Variants in TNRC6B observed in about 807,000 individuals in gnomAD.
The protein encoded by TNRC6B is trinucleotide repeat-containing gene 6B protein.
TNRC6B carries 52 observed loss-of-function variants against 203.6 expected under a neutral mutation model. The ratio of observed to expected loss-of-function variants is 0.26; its 90% CI spans 0.20 to 0.32. The LOEUF (loss-of-function observed/expected upper bound fraction) is 0.32. Ranked by LOEUF, TNRC6B falls within the 10% of genes least tolerant of loss-of-function variation. The pLI is 1.00. For synonymous variants in TNRC6B, 838 were observed against 845.7 expected (o/e 0.99, Z 0.16); for missense variants, 1,923 against 2,286.2 (o/e 0.84, Z 3.24).
Position 40,170,591 on chromosome 22 carries a change from T to A in TNRC6B, c.113+14409T>A, listed in dbSNP as rs548646418. ...ATTATATATATAGTTTATATATATA[T>A]TATATATAGTTTATATATATCCTAT... On this transcript the variant is annotated intron_variant, in intron 4 of 23. Transcript: ENST00000301923. 4.5e-3 allele frequency among the ~76,000 whole-genome samples: 74 copies of A among 16,512 alleles called. 2 individuals carry two copies. Among genetic ancestry groups the A allele is most frequent in the African/African-American group, 0.021 (13 of 606 alleles). 10.8% of individuals were successfully genotyped at this position (16,512 alleles called of 152,430 possible).
intron 2 of TNRC6B, among the ~76,000 whole-genome samples, chr22:40,122,469 G>A (rs1302691300): frequency 6.6e-6 from 1 of 152,198 alleles, no homozygotes; most frequent in African/African-American, 2.4e-5. Flanking sequence ...AGTTGTGAGG[G>A]TCCTGTGTTT....
intron 1 of TNRC6B, among the ~76,000 whole-genome samples, chr22:40,075,156 ATTTTTT>A (rs58240994): frequency 0.021 from 759 of 35,554 alleles, 23 homozygotes; most frequent in Middle Eastern, 0.1. Context: ...ATATATATAT[ATTTTTT>A]TTTTTTTTTT....
chr22:40,077,726 C>T lies in TNRC6B; in HGVS notation c.-121+32728C>T, dbSNP rs144064005. On this transcript the variant is annotated intron_variant, in intron 1 of 23. Coordinates refer to the TNRC6B transcript ENST00000301923. ...GCCCATGATCACTGTAATCCTCTTA[C>T]GCTGAGATAACCACTGTTAACATTT... Among the ~76,000 whole-genome samples the T allele has an allele frequency of 1.3e-3, 204 of 152,184 alleles. 2 individuals are homozygous for T. Among genetic ancestry groups the T allele is most frequent in the African/African-American group, 4.7e-3 (194 of 41,520 alleles).
At chr22:40,158,528 C>A (rs1390916945) in intron 4 of TNRC6B, among the ~76,000 whole-genome samples, 1 of 152,152 alleles carries the variant, frequency 6.6e-6, no homozygotes, top group East Asian at 1.9e-4. Context: ...AACCCTTATC[C>A]TGAATCAGCT....
intron 2 of TNRC6B, among the ~76,000 whole-genome samples, chr22:40,119,400 A>G (rs566215008): frequency 1.3e-5 from 2 of 152,352 alleles, no homozygotes; most frequent in East Asian, 3.9e-4. Flanking sequence ...CCTGGCCAAC[A>G]TGGTGAAACC....
chr22:40,145,328 C>T (rs2068684187), intron 3 of TNRC6B, among the ~76,000 whole-genome samples: 1 of 151,992 alleles, frequency 6.6e-6, no homozygotes, highest in Non-Finnish European at 1.5e-5. Flanking sequence ...GTGAATTATA[C>T]TTCAATTTAA....
chr22:40,181,518 G>A (rs2069128721), intron 1 of TNRC6B, among the ~76,000 whole-genome samples: 1 of 152,248 alleles, frequency 6.6e-6, no homozygotes, highest in African/African-American at 2.4e-5. Flanking sequence ...TCCTCAAGGA[G>A]TACCAGGTCA....
At chr22:40,096,269 G>A (rs1232098630) in intron 1 of TNRC6B, among the ~76,000 whole-genome samples, 1 of 152,114 alleles carries the variant, frequency 6.6e-6, no homozygotes, top group African/African-American at 2.4e-5. Context: ...TGGCCATAAG[G>A]AACAGCTTAG....
At chr22:40,203,111 G>A (rs2069435499) in intron 1 of TNRC6B, among the ~76,000 whole-genome samples, 1 of 152,140 alleles carries the variant, frequency 6.6e-6, no homozygotes, top group Non-Finnish European at 1.5e-5. Context: ...GTCTTGTTGA[G>A]TATAGTAGAG....
chr22:40,178,484 C>T (rs933072729), intron 1 of TNRC6B, among the ~76,000 whole-genome samples: 1 of 152,196 alleles, frequency 6.6e-6, no homozygotes, highest in Non-Finnish European at 1.5e-5. Context: ...CCCCTCCCCC[C>T]TTAAATCTGC....
At chr22:40,099,890 A>G (rs1182478388) in intron 1 of TNRC6B, among the ~76,000 whole-genome samples, 1 of 151,898 alleles carries the variant, frequency 6.6e-6, no homozygotes, top group Non-Finnish European at 1.5e-5. Flanking sequence ...AGCTGGGACT[A>G]CAGGCGCCCG....
intron 3 of TNRC6B, among the ~76,000 whole-genome samples, chr22:40,261,542 C>T (rs2070382187): frequency 6.6e-6 from 1 of 152,026 alleles, no homozygotes; most frequent in Non-Finnish European, 1.5e-5. Flanking sequence ...TGCACCACTG[C>T]ACTCCAGCCT....
chr22:40,253,636 G>A, intron 3 of TNRC6B: 1 of 456,384 alleles, frequency 2.2e-6, no homozygotes, highest in Non-Finnish European at 4.4e-6. Context: ...AAAGGGAGGT[G>A]AGAGGCCATT....
chr22:40,112,054 C>A (rs11913690), intron 1 of TNRC6B, among the ~76,000 whole-genome samples: 3,870 of 152,160 alleles, frequency 0.025, 164 homozygotes, highest in African/African-American at 0.089. Context: ...GAACCAAGAT[C>A]GCGCCACTGC....
chr22:40,272,331 G>A (rs1270943309), intron 6 of TNRC6B, among the ~76,000 whole-genome samples: 3 of 152,144 alleles, frequency 2.0e-5, no homozygotes, highest in African/African-American at 7.2e-5. Flanking sequence ...ACAGTTAGAA[G>A]AAATTAATTG....
intron 1 of TNRC6B, among the ~76,000 whole-genome samples, chr22:40,075,304 A>T (rs895448308): frequency 6.7e-6 from 1 of 150,256 alleles, no homozygotes; most frequent in Non-Finnish European, 1.5e-5. Context: ...ATGCATCTTG[A>T]GCCTCTGTAA....
At chr22:40,152,584 T>A (rs2068768656) in intron 3 of TNRC6B, among the ~76,000 whole-genome samples, 2 of 152,060 alleles carry the variant, frequency 1.3e-5, no homozygotes, top group African/African-American at 2.4e-5. Context: ...CGCCTTGGCC[T>A]CCCAAAATGC....
chr22:40,265,279 T>C lies in TNRC6B; in HGVS notation c.1049T>C (p.Met350Thr), dbSNP rs1186919730. The C allele has an allele frequency of 1.9e-6, 3 of 1,613,920 alleles. No individual in the cohort carries two copies. The highest frequency in any genetic ancestry group is 1.6e-4 in the Middle Eastern group (1 of 6,062). ...ACATCCAGGGAACAGCAGTCAAAGA[T>C]GGAAAATGCGGGTGTTAATTTTGTT... Reference protein sequence around the residue: ...GQTSREQQSKMENAGVNFVVS... With the variant: ...GQTSREQQSKTENAGVNFVVS... Residue 350 changes from methionine to threonine, a missense_variant, in exon 5 of 23, where the codon ATG (methionine) becomes ACG (threonine). By Grantham distance (81) the Met-to-Thr change is moderately conservative (BLOSUM62 -1). Coordinates refer to ENST00000454349, the MANE Select transcript of TNRC6B (RefSeq NM_001162501.2).
At chr22:40,105,688 A>G (rs1033017977) in intron 1 of TNRC6B, among the ~76,000 whole-genome samples, 4 of 152,066 alleles carry the variant, frequency 2.6e-5, no homozygotes, top group Non-Finnish European at 5.9e-5. Context: ...CCATTGTGCT[A>G]TTGAGGATAT....
Sources: gnomAD v4.1 joint callset for allele counts (sites outside exome capture counted in the v4.1 genomes callset) on GRCh38, gnomAD v4.1.1 for gene constraint, MANE v1.5 for transcripts, NCBI Gene and HGNC (gene_info 2026-07-23, HGNC 2026-07-21) for gene names.